The following CORIN variants were observed in gnomAD, a reference collection of about 807,000 sequenced individuals.
CORIN encodes atrial natriuretic peptide-converting enzyme.
In CORIN, 117 loss-of-function variants were observed where a neutral mutation model predicts 125.3. The observed-to-expected ratio is 0.93, with a 90% CI of 0.80 to 1.09. The LOEUF (loss-of-function observed/expected upper bound fraction) is 1.09. CORIN is among the 50% of genes least tolerant of loss of function. The probability of loss-of-function intolerance (pLI) is 0.00; values close to 1 mark genes in which losing one functional copy is unlikely to be tolerated. For missense variants in CORIN, 1,253 were observed against 1,306.7 expected (o/e 0.96, Z 0.63); for synonymous variants, 450 against 466.4 (o/e 0.96, Z 0.45).
Position 47,838,016 on chromosome 4 carries a change from C to T in CORIN, c.-67G>A. The T allele has an allele frequency of 1.9e-6, 3 of 1,597,176 alleles. No homozygotes were observed. Among genetic ancestry groups the T allele is most frequent in the Non-Finnish European group, 1.7e-6 (2 of 1,177,620 alleles). On this transcript the variant is annotated 5_prime_UTR_variant, in exon 1 of 22. Coordinates refer to ENST00000273857, the MANE Select transcript of CORIN (RefSeq NM_006587.4). ...GGTCGCTTTTCTCTCCTCTACGTGT[C>T]CCCCGGGGAGGCACTACGGATGATT...
intron 5 of CORIN, among the ~76,000 whole-genome samples, chr4:47,720,471 A>C (rs1727293235): frequency 6.6e-6 from 1 of 152,238 alleles, no homozygotes; most frequent in African/African-American, 2.4e-5. Context: ...AACCATGAAA[A>C]GAAAAATAGG....
chr4:47,731,530 T>C (rs1004110428), intron 5 of CORIN, among the ~76,000 whole-genome samples: 3 of 151,922 alleles, frequency 2.0e-5, no homozygotes, highest in Admixed American at 6.6e-5. Flanking sequence ...GAAAACCCAA[T>C]TGGAAGTCAG....
At chr4:47,681,570 G>C (rs1417964248) in intron 7 of CORIN, 1 of 152,190 alleles carries the variant, frequency 6.6e-6, no homozygotes, top group Non-Finnish European at 1.5e-5. Context: ...CACTGGTAAA[G>C]GGAAGGGTTG....
chr4:47,837,943 G>C lies in CORIN; in HGVS notation c.7C>G (p.Gln3Glu), dbSNP rs1733549350. ...TCTTCCGGAGCGAGGGCAGGAGACT[G>C]TTTCATGGATAAAAAGTCTCGCTTA... MK[Q>E]SPALAPEERC... Residue 3 changes from glutamine to glutamate, a missense_variant, in exon 1 of 22, where the codon CAG (glutamine) becomes GAG (glutamate). By Grantham distance (29) the Gln-to-Glu change is conservative. Coordinates refer to ENST00000273857, the MANE Select transcript of CORIN (RefSeq NM_006587.4). 19 of 1,613,072 alleles carry C rather than the reference G, an allele frequency of 1.2e-5. No homozygotes were observed. The highest frequency in any genetic ancestry group is 1.6e-5 in the Non-Finnish European group (19 of 1,180,022).
At chr4:47,760,478 A>G (rs1729395878) in intron 4 of CORIN, among the ~76,000 whole-genome samples, 1 of 152,134 alleles carries the variant, frequency 6.6e-6, no homozygotes, top group African/African-American at 2.4e-5. Context: ...GCATGGATTT[A>G]TTTATTGGAT....
At position 47,719,305 on chromosome 4, in the gene CORIN, G is replaced by T. The variant is rs147131732; in HGVS notation, c.799+25097C>A. ...CCATATGTGAGTCCTTGAGAACAGG[G>T]ATTTTGCCTTATTTGTTCCTCAACC... On this transcript the variant is annotated intron_variant, in intron 5 of 21. Transcript: ENST00000273857. Among the ~76,000 whole-genome samples, 228 of 152,130 alleles carry T rather than the reference G, an allele frequency of 1.5e-3. 1 individual carries two copies. The highest frequency in any genetic ancestry group is 5.2e-3 in the African/African-American group (217 of 41,498).
chr4:47,671,173 T>A (rs1477487705), intron 10 of CORIN, among the ~76,000 whole-genome samples: 1 of 152,204 alleles, frequency 6.6e-6, no homozygotes, highest in Non-Finnish European at 1.5e-5. Flanking sequence ...GATGACTGGG[T>A]CCCACCCAAT....
intron 3 of CORIN, among the ~76,000 whole-genome samples, chr4:47,778,506 G>C (rs1730394752): frequency 1.3e-5 from 2 of 152,284 alleles, no homozygotes; most frequent in East Asian, 3.9e-4. Context: ...TCTAAAGATG[G>C]AATGAGGAGG....
chr4:47,753,390 C>T (rs1219595092), intron 4 of CORIN, among the ~76,000 whole-genome samples: 1 of 152,110 alleles, frequency 6.6e-6, no homozygotes, highest in African/African-American at 2.4e-5. Context: ...AAACAGGGTT[C>T]GAGAGCAGAG....
chr4:47,763,094 C>T (rs1729543230), intron 4 of CORIN, among the ~76,000 whole-genome samples: 1 of 152,158 alleles, frequency 6.6e-6, no homozygotes, highest in Non-Finnish European at 1.5e-5. Context: ...ACTCTCTTAT[C>T]ACCCCTTTGA....
intron 1 of CORIN, among the ~76,000 whole-genome samples, chr4:47,815,106 T>C (rs933162678): frequency 6.6e-6 from 1 of 152,172 alleles, no homozygotes; most frequent in Non-Finnish European, 1.5e-5. Context: ...AAAGGCAACT[T>C]GTACAATACT....
chr4:47,767,494 G>T (rs2109879157), intron 3 of CORIN, among the ~76,000 whole-genome samples: 1 of 152,184 alleles, frequency 6.6e-6, no homozygotes, highest in South Asian at 2.1e-4. Context: ...TGAAAAAATA[G>T]AAATAGTTCA....
intron 1 of CORIN, among the ~76,000 whole-genome samples, chr4:47,834,863 A>G (rs1355415528): frequency 2.0e-5 from 3 of 152,198 alleles, no homozygotes; most frequent in Non-Finnish European, 4.4e-5. Context: ...TACGTATTCC[A>G]CAGTCTGCAG....
At chr4:47,798,150 G>A (rs1369257608) in intron 2 of CORIN, among the ~76,000 whole-genome samples, 1 of 152,100 alleles carries the variant, frequency 6.6e-6, no homozygotes, top group Non-Finnish European at 1.5e-5. Context: ...TAGTGGTTGG[G>A]TTGAAAAACA....
intron 4 of CORIN, among the ~76,000 whole-genome samples, chr4:47,762,415 T>C (rs1220323720): frequency 3.3e-5 from 5 of 152,242 alleles, no homozygotes; most frequent in Non-Finnish European, 7.3e-5. Flanking sequence ...ATGTTATATG[T>C]GAATAAGTAA....
chr4:47,615,473 A>G (rs556257768), intron 19 of CORIN, among the ~76,000 whole-genome samples: 1 of 152,338 alleles, frequency 6.6e-6, no homozygotes, highest in East Asian at 1.9e-4. Context: ...CTCCTAGTAT[A>G]TTATAACTTT....
chr4:47,815,139 G>A (rs151101597), intron 1 of CORIN, among the ~76,000 whole-genome samples: 1 of 152,148 alleles, frequency 6.6e-6, no homozygotes, highest in East Asian at 1.9e-4. Context: ...GAAAATCTAC[G>A]TAACCTTATA....
At chr4:47,677,530 G>A (rs768411126) in intron 9 of CORIN, among the ~76,000 whole-genome samples, 1 of 152,140 alleles carries the variant, frequency 6.6e-6, no homozygotes, top group Non-Finnish European at 1.5e-5. Context: ...GTATTGCTCG[G>A]TAATAAGAGG....
chr4:47,762,873 C>A (rs1440274524), intron 4 of CORIN, among the ~76,000 whole-genome samples: 1 of 152,152 alleles, frequency 6.6e-6, no homozygotes, highest in Non-Finnish European at 1.5e-5. Context: ...TGGCCGTGCT[C>A]CTCTGCCTAG....
Sources: gnomAD v4.1 joint callset for allele counts (sites outside exome capture counted in the v4.1 genomes callset) on GRCh38, gnomAD v4.1.1 for gene constraint, MANE v1.5 for transcripts, NCBI Gene and HGNC (gene_info 2026-07-23, HGNC 2026-07-21) for gene names.